TYW1B: variants seen among roughly 807,000 people sequenced by gnomAD.
The protein encoded by TYW1B is S-adenosyl-L-methionine-dependent tRNA 4-demethylwyosine synthase TYW1B.
A neutral mutation model predicts 86.9 loss-of-function variants in TYW1B; 73 were observed. The observed-to-expected ratio is 0.84, with a 90% CI of 0.70 to 1.02. The LOEUF (loss-of-function observed/expected upper bound fraction) is 1.02, where lower values mean the gene tolerates loss of function less well. Among genes scored for constraint, TYW1B ranks in the 50% least tolerant of loss-of-function variants. The pLI, the probability that TYW1B is intolerant of heterozygous loss-of-function variation, is 0.00. For synonymous variants in TYW1B, 248 were observed against 292.8 expected, an observed-to-expected ratio of 0.85 and a Z score of 1.56; for missense variants, 637 against 827.4, an observed-to-expected ratio of 0.77 and a Z score of 2.82.
chr7:72,656,101 G>A (rs1413862918), intron 11 of TYW1B, among the ~76,000 whole-genome samples: 1 of 152,068 alleles, frequency 6.6e-6, no homozygotes, highest in Admixed American at 6.6e-5. Flanking sequence ...CCACTGACTG[G>A]CGCCTTACAA....
intron 13 of TYW1B, among the ~76,000 whole-genome samples, chr7:72,591,886 T>C (rs1325592156): frequency 6.6e-6 from 1 of 152,094 alleles, no homozygotes; most frequent in Non-Finnish European, 1.5e-5. Context: ...TGTAGTGGTG[T>C]GATCTCAGCT....
chr7:72,731,551 A>C (rs1787111532), intron 8 of TYW1B, among the ~76,000 whole-genome samples: 1 of 152,188 alleles, frequency 6.6e-6, no homozygotes, highest in Non-Finnish European at 1.5e-5. Context: ...TTAAAAAAAA[A>C]CACCCAACTA....
intron 7 of TYW1B, among the ~76,000 whole-genome samples, chr7:72,745,854 G>A (rs1211151342): frequency 1.3e-4 from 1 of 7,918 alleles, no homozygotes; most frequent in Non-Finnish European, 3.5e-4. Flanking sequence ...GTATAGGGGT[G>A]TGTGTGTGTG....
rs782119090 is a variant in TYW1B at position 72,810,656 on chromosome 7, T to A, written c.247A>T (p.Lys83Ter). 4.7e-5 allele frequency: 76 copies of A among 1,608,350 alleles called. 1 individual carries two copies. The South Asian group carries it at 8.4e-4, about 18-fold the overall frequency. Residue 83 changes from lysine (K) to a stop codon, truncating the protein, a stop_gained, in exon 4 of 14, where the codon AAA (lysine) becomes TAA (stop). Transcript: ENST00000620995. LOFTEE classifies it high-confidence loss of function. ...GCAACCAGGAAGACACAGACATTTT[T>A]ACTAGTCACCTAACCAAGAAAGTAA... ...DDHLIEEVTS[K>*]NVCVFLVATY... is the part of the protein sequence containing the mutation.
chr7:72,685,730 C>T (rs1188912413), intron 11 of TYW1B, among the ~76,000 whole-genome samples: 1 of 152,076 alleles, frequency 6.6e-6, no homozygotes, highest in Non-Finnish European at 1.5e-5. Flanking sequence ...AGGAGAAAGT[C>T]TAGATGACCC....
At chr7:72,752,326 G>C (rs1787514590) in intron 7 of TYW1B, among the ~76,000 whole-genome samples, 1 of 151,788 alleles carries the variant, frequency 6.6e-6, no homozygotes, top group South Asian at 2.1e-4. Flanking sequence ...AGAAAATTTG[G>C]ATTATAAACT....
intron 10 of TYW1B, among the ~76,000 whole-genome samples, chr7:72,702,507 C>A (rs782009037): frequency 6.6e-6 from 1 of 152,012 alleles, no homozygotes; most frequent in Non-Finnish European, 1.5e-5. Flanking sequence ...CTTGCCTCAG[C>A]CTCCTCAGTA....
chr7:72,780,226 A>AC, intron 6 of TYW1B, among the ~76,000 whole-genome samples: 1 of 152,232 alleles, frequency 6.6e-6, no homozygotes, highest in Middle Eastern at 3.4e-3. Context: ...CGCCTCAGCT[A>AC]CCCAAGTAGT....
At chr7:72,722,631 C>A (rs1394047849) in intron 9 of TYW1B, among the ~76,000 whole-genome samples, 2 of 152,012 alleles carry the variant, frequency 1.3e-5, no homozygotes, top group Non-Finnish European at 2.9e-5. Context: ...AATGATTGCC[C>A]TCAGAATTAA....
chr7:72,641,422 C>A (rs1554441457), intron 11 of TYW1B, among the ~76,000 whole-genome samples: 1 of 152,176 alleles, frequency 6.6e-6, no homozygotes, highest in Non-Finnish European at 1.5e-5. Flanking sequence ...AAAAAGACAT[C>A]ACCAGAAAAG....
intron 7 of TYW1B, among the ~76,000 whole-genome samples, chr7:72,764,105 T>C (rs578145526): frequency 9.2e-5 from 14 of 152,324 alleles, no homozygotes; most frequent in African/African-American, 3.4e-4. Context: ...CTGGTTGTTA[T>C]CTTAAAATAC....
In TYW1B at chr7:72,632,376, T is replaced by TATAA. The variant is rs1344563944; in HGVS notation, c.1507-3380_1507-3379insTTAT. Among the ~76,000 whole-genome samples, 105 of 96,204 alleles carry TATAA rather than the reference T, an allele frequency of 1.1e-3. 3 individuals are homozygous for TATAA. In the East Asian group the frequency reaches 0.014, roughly 13 times the overall value. The allele number at this position is 96,204 out of a possible 152,430, so 63.1% of individuals were successfully genotyped here. ...TATATTATATATATACGCATATATATTATATATATACGTATATATATATAA... is the reference window on the plus strand; with the variant it reads ...TATATTATATATATACGCATATATATATAATATATATATACGTATATATATATAA... On this transcript the variant is annotated intron_variant, in intron 11 of 13. Coordinates refer to ENST00000620995, the MANE Select transcript of TYW1B (RefSeq NM_001145440.3).
intron 11 of TYW1B, among the ~76,000 whole-genome samples, chr7:72,644,826 CTT>C (rs371295909): frequency 4.2e-5 from 5 of 119,620 alleles, no homozygotes; most frequent in African/African-American, 1.0e-4. Flanking sequence ...CATGACTTTC[CTT>C]TTTTTTTTTT....
chr7:72,777,355 G>C, intron 7 of TYW1B, 61 bp downstream of exon 7: 1 of 1,573,690 alleles, frequency 6.4e-7, no homozygotes, highest in African/African-American at 1.4e-5. Flanking sequence ...CTTCATTCTA[G>C]GTATCAAATG....
At chr7:72,620,575 T>C (rs1478235245) in intron 12 of TYW1B, among the ~76,000 whole-genome samples, 1 of 152,108 alleles carries the variant, frequency 6.6e-6, no homozygotes, top group Non-Finnish European at 1.5e-5. Context: ...GAGCTCTCAC[T>C]CAGAGCCCAA....
intron 8 of TYW1B, among the ~76,000 whole-genome samples, chr7:72,739,224 A>G (rs1787256019): frequency 6.6e-6 from 1 of 152,182 alleles, no homozygotes; most frequent in Non-Finnish European, 1.5e-5. Flanking sequence ...ATGATTATCC[A>G]TATGATGATA....
At chr7:72,582,968 A>G in intron 13 of TYW1B, among the ~76,000 whole-genome samples, 1 of 152,202 alleles carries the variant, frequency 6.6e-6, no homozygotes, top group Non-Finnish European at 1.5e-5. Context: ...TCTAAACAAA[A>G]ATCTGGTATG....
At chr7:72,800,910 G>A (rs782314660) in intron 6 of TYW1B, among the ~76,000 whole-genome samples, 2 of 151,956 alleles carry the variant, frequency 1.3e-5, no homozygotes, top group Non-Finnish European at 2.9e-5. Flanking sequence ...GAACTGATAT[G>A]TTTACCATTG....
intron 13 of TYW1B, among the ~76,000 whole-genome samples, chr7:72,612,789 GC>G (rs1194879688): frequency 3.3e-5 from 5 of 151,252 alleles, no homozygotes; most frequent in Admixed American, 2.6e-4. Context: ...TCACTCTGTT[GC>G]CCAGAATAAA....
Sources: gnomAD v4.1 joint callset for allele counts (sites outside exome capture counted in the v4.1 genomes callset) on GRCh38, gnomAD v4.1.1 for gene constraint, MANE v1.5 for transcripts, NCBI Gene and HGNC (gene_info 2026-07-23, HGNC 2026-07-21) for gene names.